The following DPP6 variants were observed in gnomAD, a reference collection of about 807,000 sequenced individuals.
The protein encoded by DPP6 is A-type potassium channel modulatory protein DPP6.
In DPP6, 69 loss-of-function variants were observed where a neutral mutation model predicts 122.6. The ratio of observed to expected loss-of-function variants is 0.56; its 90% CI spans 0.46 to 0.69. DPP6 has a LOEUF of 0.69. DPP6 is among the 30% of genes least tolerant of loss of function. DPP6 has a pLI of 0.00. For synonymous variants in DPP6, 418 were observed against 433.1 expected (o/e 0.97, Z 0.43); for missense variants, 928 against 1,116.9 (o/e 0.83, Z 2.41).
intron 1 of DPP6, among the ~76,000 whole-genome samples, chr7:154,338,611 A>C (rs1488528865): frequency 1.3e-5 from 2 of 152,198 alleles, no homozygotes; most frequent in African/African-American, 4.8e-5. Context: ...ATCGTTTTGA[A>C]AGAGTGTGCT....
intron 3 of DPP6, among the ~76,000 whole-genome samples, chr7:154,514,277 A>G (rs1009067863): frequency 6.6e-6 from 1 of 152,002 alleles, no homozygotes; most frequent in African/African-American, 2.4e-5. Flanking sequence ...CTCCCTCTCA[A>G]AAAGAAAAAA....
chr7:154,538,371 A>G (rs964646396), intron 3 of DPP6, among the ~76,000 whole-genome samples: 2 of 152,058 alleles, frequency 1.3e-5, no homozygotes, highest in East Asian at 1.9e-4. Context: ...TGCATTAGCT[A>G]TTTATCCTGA....
At chr7:153,916,999 T>C (rs1024078287) in intron 1 of DPP6, among the ~76,000 whole-genome samples, 18 of 152,216 alleles carry the variant, frequency 1.2e-4, no homozygotes, top group Non-Finnish European at 1.5e-5. Flanking sequence ...GTCCCAGAGC[T>C]TTGCTTTTCA....
At chr7:153,965,592 A>G (rs565347125) in intron 1 of DPP6, among the ~76,000 whole-genome samples, 283 of 152,172 alleles carry the variant, frequency 1.9e-3, no homozygotes, top group Non-Finnish European at 3.5e-3. Flanking sequence ...AGCTCACTGC[A>G]AGCTCCACCT....
At chr7:153,759,915 G>GTCTC in the DPP6 span, among the ~76,000 whole-genome samples, 610 of 128,074 alleles carry the variant, frequency 4.8e-3, 1 homozygote, top group Non-Finnish European at 7.3e-3. Context: ...CTCTGTTTCT[G>GTCTC]TCTCTCTCTC....
intron 6 of DPP6, among the ~76,000 whole-genome samples, chr7:154,663,741 C>T (rs1390970409): frequency 3.4e-4 from 22 of 64,198 alleles, no homozygotes; most frequent in African/African-American, 5.8e-4. Context: ...CATGGCGTAT[C>T]GGCCGTAGTG....
chr7:154,371,435 A>G (rs901071989), intron 1 of DPP6, among the ~76,000 whole-genome samples: 9 of 151,896 alleles, frequency 5.9e-5, no homozygotes, highest in African/African-American at 2.2e-4. Flanking sequence ...GAAAAAACAA[A>G]CAAAAAAATG....
At chr7:153,774,501 G>A in the DPP6 span, among the ~76,000 whole-genome samples, 1 of 152,130 alleles carries the variant, frequency 6.6e-6, no homozygotes, top group African/African-American at 2.4e-5. Context: ...CTTATTCAAG[G>A]ACAAAAGGTT....
intron 6 of DPP6, among the ~76,000 whole-genome samples, chr7:154,650,074 T>A (rs529938481): frequency 6.6e-6 from 1 of 152,092 alleles, no homozygotes; most frequent in Admixed American, 6.5e-5. Context: ...AATCCCAGCA[T>A]TTGGGGAGGT....
intron 4 of DPP6, among the ~76,000 whole-genome samples, chr7:154,542,425 G>T (rs1563828224): frequency 6.6e-6 from 1 of 152,158 alleles, no homozygotes; most frequent in Non-Finnish European, 1.5e-5. Flanking sequence ...TTCCTGTGAG[G>T]ATGTCAGTTT....
Position 154,216,683 on chromosome 7 carries a change from C to G in DPP6, c.243+163620C>G, listed in dbSNP as rs141231152. Among the ~76,000 whole-genome samples, 930 of 152,234 alleles carry G rather than the reference C, an allele frequency of 6.1e-3. 5 individuals carry two copies. The highest frequency in any genetic ancestry group is 0.021 in the African/African-American group (871 of 41,538). Reference sequence around the variant, plus strand: ...CTATTACCCAGGGAATCAGTGCCAGCTCCCCAGGCACTGAGTCCCAGGAGG... The same window carrying G: ...CTATTACCCAGGGAATCAGTGCCAGGTCCCCAGGCACTGAGTCCCAGGAGG... On this transcript the variant is annotated intron_variant, in intron 1 of 25. Transcript: ENST00000377770.
intron 1 of DPP6, among the ~76,000 whole-genome samples, chr7:154,018,995 C>T (rs1798560208): frequency 6.6e-6 from 1 of 152,182 alleles, no homozygotes; most frequent in Non-Finnish European, 1.5e-5. Flanking sequence ...AAATGCAAAA[C>T]AAATACAATA....
intron 5 of DPP6, among the ~76,000 whole-genome samples, chr7:154,567,766 G>T (rs1830852186): frequency 6.6e-6 from 1 of 152,202 alleles, no homozygotes; most frequent in South Asian, 2.1e-4. Flanking sequence ...ATTCAGGTCA[G>T]AATGGCTCTG....
chr7:153,989,972 C>T (rs1475801025), intron 1 of DPP6, among the ~76,000 whole-genome samples: 2 of 139,488 alleles, frequency 1.4e-5, no homozygotes, highest in Non-Finnish European at 3.1e-5. Context: ...GAGCCACACC[C>T]CCAACAGCTC....
chr7:154,709,935 A>G (rs1554442564), intron 7 of DPP6, among the ~76,000 whole-genome samples: 2 of 152,204 alleles, frequency 1.3e-5, no homozygotes, highest in Non-Finnish European at 2.9e-5. Flanking sequence ...ATCAGGGGCC[A>G]TGTGTGGACC....
In DPP6 at chr7:154,264,013, G is replaced by C. The variant is rs187400156; in HGVS notation, c.244-182201G>C. On this transcript the variant is annotated intron_variant, in intron 1 of 25. Coordinates refer to ENST00000377770, the MANE Select transcript of DPP6 (RefSeq NM_130797.4). The stretch of plus-strand genomic sequence containing the variant: ...ACCTTGTTATGTTCTTTTCTTGGAG[G>C]TCTGTGGGAACTGGTATGAAGGTGG... Among the ~76,000 whole-genome samples, 316 of 152,250 alleles carry C rather than the reference G, an allele frequency of 2.1e-3. 3 individuals are homozygous for C. The highest frequency in any genetic ancestry group is 0.017 in the Middle Eastern group (5 of 294).
In DPP6 at chr7:153,904,882, G is replaced by T. The variant is rs980394854; in HGVS notation, c.51+17148G>T. 7.9e-5 allele frequency among the ~76,000 whole-genome samples: 12 copies of T among 152,332 alleles called. No homozygotes were observed. In the East Asian group the frequency reaches 2.3e-3, roughly 29 times the overall value. On this transcript the variant is annotated intron_variant, in intron 1 of 25. Coordinates refer to the DPP6 transcript ENST00000404039. ...AACAGGAGAAGAGGCTTACAAATTT[G>T]ATCACAGTTTTACACAGGAGCTTTC...
intron 15 of DPP6, 35 bp from the exon 16 acceptor site, chr7:154,806,959 G>A (rs369060438): frequency 3.1e-4 from 499 of 1,608,608 alleles, no homozygotes; most frequent in Non-Finnish European, 3.3e-4. Flanking sequence ...GCTCCTCTCC[G>A]CCCACATTCA....
At chr7:154,367,475 A>G (rs148161770) in intron 1 of DPP6, among the ~76,000 whole-genome samples, 7 of 152,336 alleles carry the variant, frequency 4.6e-5, no homozygotes, top group Non-Finnish European at 1.0e-4. Context: ...TTCTATAACA[A>G]TTTGAGAAGC....
Sources: allele counts gnomAD v4.1 joint callset (sites outside exome capture counted in the v4.1 genomes callset), GRCh38; gene constraint gnomAD v4.1.1; transcripts MANE v1.5; gene names NCBI Gene and HGNC (gene_info 2026-07-23, HGNC 2026-07-21).